Variants in AVPI1 observed in about 807,000 individuals in gnomAD.
AVPI1 encodes arginine vasopressin-induced protein 1.
AVPI1 carries 9 observed loss-of-function variants against 11.9 expected under a neutral mutation model. The observed-to-expected ratio is 0.76, with a 90% confidence interval of 0.46 to 1.32. The LOEUF (loss-of-function observed/expected upper bound fraction) is 1.32, where lower values mean the gene tolerates loss of function less well. Among genes scored for constraint, AVPI1 ranks in the 40% most tolerant of loss-of-function variants. AVPI1 has a pLI of 0.00. For synonymous variants in AVPI1, 68 were observed against 78.1 expected (o/e 0.87, Z 0.68); for missense variants, 207 against 195.8 (o/e 1.06, Z -0.34).
intron 1 of AVPI1, among the ~76,000 whole-genome samples, chr10:97,686,510 G>C (rs2041729706): frequency 6.6e-6 from 1 of 152,176 alleles, no homozygotes; most frequent in African/African-American, 2.4e-5. Context: ...CACACAGCTG[G>C]CAGGTGATGG....
chr10:97,685,715 G>A (rs952541429), intron 1 of AVPI1, among the ~76,000 whole-genome samples: 11 of 152,106 alleles, frequency 7.2e-5, no homozygotes, highest in African/African-American at 2.4e-4. Context: ...AGTTCAAATC[G>A]CTGTGTGGGC....
At chr10:97,680,861 G>T (rs2041700139) in intron 1 of AVPI1, among the ~76,000 whole-genome samples, 1 of 152,154 alleles carries the variant, frequency 6.6e-6, no homozygotes. Context: ...AGGCTACAAG[G>T]GTTAGAATAT....
At position 97,679,871 on chromosome 10, in the gene AVPI1, G is replaced by A. The variant is rs752945501; in HGVS notation, c.35C>T (p.Pro12Leu). 3 of 1,595,192 alleles carry A rather than the reference G, an allele frequency of 1.9e-6. No homozygotes were observed. Among genetic ancestry groups the A allele is most frequent in the Admixed American group, 3.5e-5 (2 of 57,398 alleles). Residue 12 changes from proline to leucine, a missense_variant, in exon 2 of 3, where the codon CCC becomes CTC. By Grantham distance (98) the Pro-to-Leu change is moderately conservative (BLOSUM62 -3). Coordinates refer to ENST00000370626, the MANE Select transcript of AVPI1 (RefSeq NM_021732.3). Reference protein sequence around the residue: ...GTPASVVSEPPPWQAPIEARG... With the variant: ...GTPASVVSEPLPWQAPIEARG... ...GGCCTCAATCGGGGCCTGCCAAGGG[G>A]GTGGCTCACTGACCACCGAGGCTGG...
At position 97,685,482 on chromosome 10, in the gene AVPI1, G is replaced by A. The variant is rs148178182; in HGVS notation, c.-11+1284C>T. 5.3e-5 allele frequency among the ~76,000 whole-genome samples: 8 copies of A among 152,252 alleles called. No homozygotes were observed. In the East Asian group the frequency reaches 1.4e-3, roughly 26 times the overall value. Reference sequence around the variant, plus strand: ...AACCACCAGAGGCAGAACACATTTGGGTGAGCTGGCAACTCCTAGGTCCTC... The same window carrying A: ...AACCACCAGAGGCAGAACACATTTGAGTGAGCTGGCAACTCCTAGGTCCTC... On this transcript the variant is annotated intron_variant, in intron 1 of 2. Coordinates refer to ENST00000370626, the MANE Select transcript of AVPI1 (RefSeq NM_021732.3).
At chr10:97,685,782 T>C (rs150259001) in intron 1 of AVPI1, among the ~76,000 whole-genome samples, 3,248 of 152,232 alleles carry the variant, frequency 0.021, 47 homozygotes, top group Middle Eastern at 0.068. Context: ...TGGATATACA[T>C]TGGCCTCCAA....
In AVPI1 at chr10:97,677,921, C is replaced by T. The variant is rs374997584; in HGVS notation, c.392G>A (p.Arg131Gln). The T allele has an allele frequency of 4.9e-5, 79 of 1,614,040 alleles. No individual in the cohort carries two copies. The Middle Eastern group carries it at 4.9e-4, about 10-fold the overall frequency. ...HSRKKSARIR[R>Q]NWRKSGPTSY... is the part of the protein sequence containing the mutation. ...TGTGGGGCCTGACTTCCTCCAGTTC[C>T]GGCGGATCCTGGCACTTTTCTTCCT... The change falls in exon 3 of 3, where the codon CGG (arginine) becomes CAG (glutamine). Residue 131 changes from arginine (R) to glutamine (Q), a missense_variant. Arg to Gln is a conservative substitution (Grantham distance 43). Transcript: ENST00000370626.
intron 1 of AVPI1, among the ~76,000 whole-genome samples, chr10:97,680,590 A>G (rs1404515945): frequency 6.6e-6 from 1 of 152,180 alleles, no homozygotes; most frequent in Non-Finnish European, 1.5e-5. Flanking sequence ...CCCCTGCCTC[A>G]GCTGCCTCCC....
At chr10:97,678,688 A>C (rs1357964853) in intron 2 of AVPI1, among the ~76,000 whole-genome samples, 3 of 151,272 alleles carry the variant, frequency 2.0e-5, no homozygotes, top group Admixed American at 2.0e-4. Flanking sequence ...TAGGCTTAAA[A>C]AAAAAAAAAA....
At chr10:97,685,413 T>G (rs2041723999) in intron 1 of AVPI1, among the ~76,000 whole-genome samples, 1 of 152,218 alleles carries the variant, frequency 6.6e-6, no homozygotes, top group African/African-American at 2.4e-5. Flanking sequence ...TTCAGACAGC[T>G]ATTCTAGGAG....
chr10:97,685,659 C>A (rs1424048987), intron 1 of AVPI1, among the ~76,000 whole-genome samples: 4 of 152,210 alleles, frequency 2.6e-5, no homozygotes, highest in African/African-American at 9.7e-5. Flanking sequence ...TACAGACATG[C>A]CACTGGACAG....
intron 1 of AVPI1, among the ~76,000 whole-genome samples, chr10:97,685,172 A>G (rs1311214911): frequency 6.6e-6 from 1 of 152,228 alleles, no homozygotes; most frequent in African/African-American, 2.4e-5. Flanking sequence ...ACGAGTAAAG[A>G]CCAATTGCAA....
intron 2 of AVPI1, among the ~76,000 whole-genome samples, chr10:97,678,974 T>TCGCC (rs2041686493): frequency 9.4e-5 from 10 of 106,290 alleles, no homozygotes; most frequent in East Asian, 7.6e-4. Flanking sequence ...TGTGTGTGTG[T>TCGCC]GTGTGTGTGT....
chr10:97,686,001 G>A (rs2041726676), intron 1 of AVPI1, among the ~76,000 whole-genome samples: 1 of 152,144 alleles, frequency 6.6e-6, no homozygotes, highest in Admixed American at 6.5e-5. Flanking sequence ...AATAGTATAA[G>A]GCCAGGCCTG....
chr10:97,678,022 G>A lies in AVPI1; in HGVS notation c.291C>T (p.Ile97=), dbSNP rs760702581. 17 of 1,613,652 alleles carry A rather than the reference G, an allele frequency of 1.1e-5. 1 individual carries two copies. In the South Asian group the frequency reaches 1.9e-4, roughly 18 times the overall value. The stretch of plus-strand genomic sequence containing the variant: ...TGGCCAGTGCAGAGTGGGGCTCCAG[G>A]ATTCTGCAGAGAACAAGTGTATGAT... ...HSLHHCSRLR[I]LEPHSALANP... The change falls in exon 3 of 3, where the codon ATC becomes ATT. Residue 97 remains isoleucine (I), a synonymous_variant. Transcript: ENST00000370626.
At chr10:97,682,719 CCT>C (rs1471502468) in intron 1 of AVPI1, among the ~76,000 whole-genome samples, 1 of 152,170 alleles carries the variant, frequency 6.6e-6, no homozygotes, top group African/African-American at 2.4e-5. Context: ...AAAACTCCAC[CCT>C]GTTTTCAAAA....
chr10:97,679,869 G>T lies in AVPI1; in HGVS notation c.37C>A (p.Pro13Thr), dbSNP rs767909083. 2.5e-6 allele frequency: 4 copies of T among 1,596,124 alleles called. No homozygotes were observed. The highest frequency in any genetic ancestry group is 3.4e-6 in the Non-Finnish European group (4 of 1,174,386). The change falls in exon 2 of 3, where the codon CCT (proline) becomes ACT (threonine). Residue 13 changes from proline (P) to threonine (T), a missense_variant. Physicochemically the swap from Pro to Thr is conservative, Grantham distance 38. Transcript: ENST00000370626. ...TPASVVSEPP[P>T]WQAPIEARGR... ...CGGGCCTCAATCGGGGCCTGCCAAG[G>T]GGGTGGCTCACTGACCACCGAGGCT...
chr10:97,680,327 A>G (rs2041697731), intron 1 of AVPI1, among the ~76,000 whole-genome samples: 1 of 152,192 alleles, frequency 6.6e-6, no homozygotes, highest in African/African-American at 2.4e-5. Flanking sequence ...AGCTTGCTTC[A>G]CATAGTATCA....
At chr10:97,680,399 G>C (rs758318855) in intron 1 of AVPI1, among the ~76,000 whole-genome samples, 2 of 152,188 alleles carry the variant, frequency 1.3e-5, no homozygotes, top group African/African-American at 4.8e-5. Flanking sequence ...TCATTTCACA[G>C]ATGAGGAATC....
At position 97,686,841 on chromosome 10, in the gene AVPI1, A is replaced by G. The variant is rs2041732318; in HGVS notation, c.-86T>C. On this transcript the variant is annotated 5_prime_UTR_variant, in exon 1 of 3. Coordinates refer to ENST00000370626, the MANE Select transcript of AVPI1 (RefSeq NM_021732.3). ...AGATGCGCCCACTCCAACCTCTTCC[A>G]CAGCCTTCAGAAAGGGCAGGCGCAG... 1 of 152,544 alleles carries G rather than the reference A, an allele frequency of 6.6e-6. No individual in the cohort carries two copies. Among genetic ancestry groups the G allele is most frequent in the African/African-American group, 2.4e-5 (1 of 41,454 alleles). 9.4% of individuals were successfully genotyped at this position (152,544 alleles called of 1,614,324 possible).
Sources: gnomAD v4.1 joint callset for allele counts (sites outside exome capture counted in the v4.1 genomes callset) on GRCh38, gnomAD v4.1.1 for gene constraint, MANE v1.5 for transcripts, NCBI Gene and HGNC (gene_info 2026-07-23, HGNC 2026-07-21) for gene names.